The following AGPS variants were observed in gnomAD, a reference collection of about 807,000 sequenced individuals.
The protein encoded by AGPS is alkyldihydroxyacetonephosphate synthase, peroxisomal.
A neutral mutation model predicts 90.7 loss-of-function variants in AGPS; 26 were observed. That is an observed-to-expected ratio of 0.29 (90% CI 0.21 to 0.40). The LOEUF is 0.40. Ranked by LOEUF, AGPS falls within the 10% of genes least tolerant of loss-of-function variation. The pLI, the probability that AGPS is intolerant of heterozygous loss-of-function variation, is 1.00. For missense variants in AGPS, 540 were observed against 816.1 expected, an observed-to-expected ratio of 0.66 and a Z score of 4.12; for synonymous variants, 294 against 285.3, an observed-to-expected ratio of 1.03 and a Z score of -0.31.
intron 8 of AGPS, among the ~76,000 whole-genome samples, chr2:177,451,463 A>G (rs1392411279): frequency 2.6e-5 from 4 of 151,964 alleles, no homozygotes; most frequent in Non-Finnish European, 2.9e-5. Flanking sequence ...GATTTTTTAC[A>G]TAGATGACTA....
At chr2:177,400,467 T>C (rs1685301939) in intron 1 of AGPS, among the ~76,000 whole-genome samples, 2 of 152,216 alleles carry the variant, frequency 1.3e-5, no homozygotes. Flanking sequence ...AGCATTTGTA[T>C]ATTTAATTCT....
At chr2:177,436,683 T>G in intron 3 of AGPS, 81 bp from the exon 4 acceptor site, 1 of 1,397,370 alleles carries the variant, frequency 7.2e-7, no homozygotes, top group Non-Finnish European at 1.0e-6. Context: ...AAAGTCTACA[T>G]TTTATAGTCA....
At chr2:177,439,320 A>G (rs967625985) in intron 5 of AGPS, among the ~76,000 whole-genome samples, 2 of 152,204 alleles carry the variant, frequency 1.3e-5, no homozygotes, top group African/African-American at 2.4e-5. Flanking sequence ...CTGTAAAGAA[A>G]AGAAAAGCAT....
chr2:177,518,458 A>G (rs1165875496), intron 17 of AGPS, among the ~76,000 whole-genome samples: 1 of 151,906 alleles, frequency 6.6e-6, no homozygotes, highest in Non-Finnish European at 1.5e-5. Context: ...AAACCCAAAA[A>G]CCTTATGGGG....
Position 177,527,868 on chromosome 2 carries a change from A to T in AGPS, c.1855+4063A>T, listed in dbSNP as rs538081825. ...AATAGAAATCTTTTATGTCTATCCTATTTCTTGTATTTTTATTTTCTATGT... is the reference window on the plus strand; with the variant it reads ...AATAGAAATCTTTTATGTCTATCCTTTTTCTTGTATTTTTATTTTCTATGT... On this transcript the variant is annotated intron_variant, in intron 19 of 19. Coordinates refer to ENST00000264167, the MANE Select transcript of AGPS (RefSeq NM_003659.4). Among the ~76,000 whole-genome samples, 4 of 152,268 alleles carry T rather than the reference A, an allele frequency of 2.6e-5. No homozygotes were observed. In the East Asian group the frequency reaches 7.7e-4, roughly 29 times the overall value.
rs114149890 is a variant in AGPS, at chr2:177,501,252, T to C, written c.1475+1522T>C. Among the ~76,000 whole-genome samples the C allele has an allele frequency of 7.2e-3, 1,091 of 152,132 alleles. 9 individuals carry two copies. The highest frequency in any genetic ancestry group is 0.025 in the African/African-American group (1,038 of 41,524). On this transcript the variant is annotated intron_variant, in intron 14 of 19. Coordinates refer to ENST00000264167, the MANE Select transcript of AGPS (RefSeq NM_003659.4). Reference sequence around the variant, plus strand: ...AGTTTCACCTCAGTCGTCTCTCTGCTCACACACACCTCCACATCTGTACAC... The same window carrying C: ...AGTTTCACCTCAGTCGTCTCTCTGCCCACACACACCTCCACATCTGTACAC...
intron 18 of AGPS, among the ~76,000 whole-genome samples, chr2:177,521,776 T>G (rs923182731): frequency 2.0e-5 from 3 of 152,254 alleles, no homozygotes; most frequent in African/African-American, 4.8e-5. Flanking sequence ...TGTAATTTTT[T>G]TATATGCTAT....
chr2:177,417,038 A>G (rs1041129342), intron 1 of AGPS, among the ~76,000 whole-genome samples: 1 of 152,300 alleles, frequency 6.6e-6, no homozygotes, highest in Non-Finnish European at 1.5e-5. Context: ...AATTCATTAC[A>G]CTATCGGAAG....
chr2:177,435,403 TTGAC>T (rs1441257743), intron 3 of AGPS, among the ~76,000 whole-genome samples: 1 of 152,170 alleles, frequency 6.6e-6, no homozygotes, highest in Non-Finnish European at 1.5e-5. Flanking sequence ...TTTTGATCTC[TTGAC>T]TATTTGCAAT....
chr2:177,431,748 C>G (rs1157433586), intron 2 of AGPS, among the ~76,000 whole-genome samples: 1 of 152,098 alleles, frequency 6.6e-6, no homozygotes, highest in Non-Finnish European at 1.5e-5. Flanking sequence ...GGCAGTCAGA[C>G]CTTTGGTTGT....
intron 16 of AGPS, among the ~76,000 whole-genome samples, chr2:177,511,204 A>G (rs944122781): frequency 6.6e-6 from 1 of 151,858 alleles, no homozygotes; most frequent in Non-Finnish European, 1.5e-5. Context: ...GGCTCAAATG[A>G]TTCTCCCATC....
intron 3 of AGPS, among the ~76,000 whole-genome samples, chr2:177,436,446 G>A (rs772773354): frequency 6.6e-6 from 1 of 152,034 alleles, no homozygotes; most frequent in African/African-American, 2.4e-5. Flanking sequence ...CACTGCACCC[G>A]GCCAGAAATG....
At chr2:177,479,716 G>A (rs924186417) in intron 10 of AGPS, among the ~76,000 whole-genome samples, 1 of 152,226 alleles carries the variant, frequency 6.6e-6, no homozygotes, top group Non-Finnish European at 1.5e-5. Context: ...GTCCAGAATA[G>A]GCAAGTCTGT....
At chr2:177,511,321 C>T (rs1438265997) in intron 16 of AGPS, among the ~76,000 whole-genome samples, 1 of 151,958 alleles carries the variant, frequency 6.6e-6, no homozygotes, top group African/African-American at 2.4e-5. Flanking sequence ...TGGTCTTGAA[C>T]CCCTGGGCTC....
chr2:177,462,092 T>A, intron 9 of AGPS, 74 bp downstream of exon 9: 1 of 1,355,562 alleles, frequency 7.4e-7, no homozygotes, highest in Non-Finnish European at 9.9e-7. Flanking sequence ...TAGAAGCCTT[T>A]AAAAATTAAG....
chr2:177,424,245 G>C (rs1421053672), intron 2 of AGPS, among the ~76,000 whole-genome samples: 2 of 152,140 alleles, frequency 1.3e-5, no homozygotes, highest in Non-Finnish European at 2.9e-5. Flanking sequence ...AGTTTGCTGA[G>C]GATAATGGCT....
At chr2:177,532,082 C>T (rs867926248) in intron 19 of AGPS, among the ~76,000 whole-genome samples, 3 of 151,676 alleles carry the variant, frequency 2.0e-5, no homozygotes, top group Non-Finnish European at 2.9e-5. Flanking sequence ...ATTCTTAGAC[C>T]GGACACTAAA....
intron 10 of AGPS, among the ~76,000 whole-genome samples, chr2:177,472,338 AC>A (rs1429703585): frequency 4.0e-5 from 6 of 151,284 alleles, no homozygotes; most frequent in Admixed American, 2.0e-4. Context: ...GTAGTTTATA[AC>A]ATAGCCTTTA....
chr2:177,393,994 C>T (rs527565302), intron 1 of AGPS, among the ~76,000 whole-genome samples: 2 of 152,234 alleles, frequency 1.3e-5, no homozygotes, highest in East Asian at 3.9e-4. Context: ...GAGGTATGTG[C>T]GGTTTTCTCC....
Sources: allele counts gnomAD v4.1 joint callset (sites outside exome capture counted in the v4.1 genomes callset), GRCh38; gene constraint gnomAD v4.1.1; transcripts MANE v1.5; gene names NCBI Gene and HGNC (gene_info 2026-07-23, HGNC 2026-07-21).